XRCC6: variants seen among roughly 807,000 people sequenced by gnomAD.
XRCC6 encodes DNA repair protein Ku70.
In XRCC6, 5 loss-of-function variants were observed where a neutral mutation model predicts 65.7. The observed-to-expected ratio is 0.08, with a 90% CI of 0.04 to 0.16. XRCC6 has a LOEUF of 0.16. Ranked by LOEUF, XRCC6 falls within the 10% of genes least tolerant of loss-of-function variation. XRCC6 has a pLI of 1.00. For missense variants in XRCC6, 447 were observed against 738.1 expected, an observed-to-expected ratio of 0.61 and a Z score of 4.57; for synonymous variants, 270 against 270.6, an observed-to-expected ratio of 1.00 and a Z score of 0.02.
At chr22:41,637,048 A>G (rs1293007094) in intron 5 of XRCC6, among the ~76,000 whole-genome samples, 1 of 151,726 alleles carries the variant, frequency 6.6e-6, no homozygotes, top group African/African-American at 2.4e-5. Flanking sequence ...TTAGCTGTCT[A>G]AAGGACTCTG....
Position 41,653,510 on chromosome 22 carries a change from T to C in XRCC6, c.1130-19T>C. 1.3e-6 allele frequency: 2 copies of C among 1,558,800 alleles called. No homozygotes were observed. Among genetic ancestry groups the C allele is most frequent in the Non-Finnish European group, 1.7e-6 (2 of 1,145,124 alleles). On this transcript the variant is annotated intron_variant, in intron 8 of 12. Coordinates refer to ENST00000360079, the MANE Select transcript of XRCC6 (RefSeq NM_001469.5). Reference sequence around the variant, plus strand: ...GAAACCTTTTTAGGAGGCTAGTCACTGGGCTTTTTGTTTTCTAGGGAGCTC... The same window carrying C: ...GAAACCTTTTTAGGAGGCTAGTCACCGGGCTTTTTGTTTTCTAGGGAGCTC...
intron 6 of XRCC6, among the ~76,000 whole-genome samples, chr22:41,638,718 C>T (rs773490631): frequency 1.5e-5 from 2 of 133,974 alleles, no homozygotes; most frequent in Non-Finnish European, 1.5e-5. Flanking sequence ...TCAGAGGTGG[C>T]AGTGAGCCAA....
At chr22:41,652,495 A>C (rs114955174) in intron 8 of XRCC6, among the ~76,000 whole-genome samples, 1 of 151,688 alleles carries the variant, frequency 6.6e-6, no homozygotes, top group Admixed American at 6.6e-5. Flanking sequence ...CTCTCGAGCA[A>C]CTGGGACTAC....
intron 8 of XRCC6, among the ~76,000 whole-genome samples, chr22:41,651,589 G>A (rs1316627834): frequency 6.7e-6 from 1 of 150,102 alleles, no homozygotes; most frequent in African/African-American, 2.4e-5. Context: ...GTGTAATGGT[G>A]CAATCTCGGC....
chr22:41,634,946 GTAGT>G (rs1215859272), intron 3 of XRCC6, among the ~76,000 whole-genome samples: 1 of 152,142 alleles, frequency 6.6e-6, no homozygotes, highest in African/African-American at 2.4e-5. Flanking sequence ...CTTTAACTGG[GTAGT>G]TAAACAGTTT....
rs149381770 is a variant in XRCC6 at position 41,652,069 on chromosome 22, C to T, written c.1129+1178C>T. On this transcript the variant is annotated intron_variant, in intron 8 of 12. Transcript: ENST00000360079. ...AAAGTGCTGAGATTACAGGCGTGAG[C>T]CACCACGTCCAGCCTGGAATTTAGC... 3.0e-4 allele frequency among the ~76,000 whole-genome samples: 45 copies of T among 152,310 alleles called. No individual in the cohort carries two copies. The East Asian group carries it at 8.5e-3, about 29-fold the overall frequency.
chr22:41,644,218 C>G (rs904201242), intron 6 of XRCC6, among the ~76,000 whole-genome samples: 1 of 151,602 alleles, frequency 6.6e-6, no homozygotes, highest in Admixed American at 6.6e-5. Flanking sequence ...GTTTAATTTT[C>G]AAAAATTTCA....
intron 1 of XRCC6, chr22:41,621,672 C>T (rs1450765024): frequency 1.4e-5 from 4 of 291,626 alleles, no homozygotes; most frequent in Non-Finnish European, 2.0e-5. Context: ...ACGAGGGGGT[C>T]CGTTAGTCAG....
chr22:41,661,322 A>G lies in XRCC6; in HGVS notation c.1523-9A>G. On this transcript the variant is annotated splice_polypyrimidine_tract_variant and intron_variant, in intron 11 of 12. Coordinates refer to ENST00000360079, the MANE Select transcript of XRCC6 (RefSeq NM_001469.5). ...CACCAGGCCACTCTTCTGTGTTTTGATTTTCTAGTGCCCAAGGTTGAAGCA... is the reference window on the plus strand; with the variant it reads ...CACCAGGCCACTCTTCTGTGTTTTGGTTTTCTAGTGCCCAAGGTTGAAGCA... 6.2e-7 allele frequency: 1 copy of G among 1,610,772 alleles called. No individual in the cohort carries two copies. Among genetic ancestry groups the G allele is most frequent in the Non-Finnish European group, 8.5e-7 (1 of 1,179,136 alleles).
At chr22:41,640,025 A>C in intron 6 of XRCC6, among the ~76,000 whole-genome samples, 1 of 151,878 alleles carries the variant, frequency 6.6e-6, no homozygotes, top group Non-Finnish European at 1.5e-5. Context: ...TTCTTCCTAA[A>C]GACCTACAGC....
intron 6 of XRCC6, among the ~76,000 whole-genome samples, chr22:41,640,677 G>A (rs540038629): frequency 6.6e-6 from 1 of 152,298 alleles, no homozygotes; most frequent in Non-Finnish European, 1.5e-5. Context: ...CATTGCCACA[G>A]TTGTAGTTTT....
intron 6 of XRCC6, among the ~76,000 whole-genome samples, chr22:41,644,523 C>T (rs993546624): frequency 1.2e-4 from 18 of 151,992 alleles, no homozygotes; most frequent in South Asian, 4.2e-4. Context: ...CTTGGTCTGT[C>T]GTCCCAGGCT....
At chr22:41,621,867 G>C in intron 1 of XRCC6, 123 bp from the exon 2 acceptor site, 1 of 898,092 alleles carries the variant, frequency 1.1e-6, no homozygotes, top group Non-Finnish European at 1.7e-6. Context: ...CGAGGCAGCA[G>C]GATTTACCGT....
chr22:41,657,816 G>A (rs1157491315), intron 10 of XRCC6, among the ~76,000 whole-genome samples: 1 of 151,992 alleles, frequency 6.6e-6, no homozygotes, highest in Non-Finnish European at 1.5e-5. Context: ...AGGGTGCCCA[G>A]GCTGGTTTGC....
Position 41,637,744 on chromosome 22 carries a change from G to A in XRCC6, c.726G>A (p.Leu242=), listed in dbSNP as rs1487700219. The change falls in exon 6 of 13, where the codon CTG becomes CTA. Residue 242 remains leucine, a synonymous_variant. Transcript: ENST00000360079. ...HFEESSKLED[L]LRKVRAKETR... is the part of the protein sequence containing the mutation. The stretch of plus-strand genomic sequence containing the variant: ...AGGAATCCAGCAAGCTAGAAGACCT[G>A]TTGCGGAAGGTTCGCGCCAAGGAGA... 1 of 1,614,050 alleles carries A rather than the reference G, an allele frequency of 6.2e-7. No homozygotes were observed.
chr22:41,660,030 C>G (rs1036423846), intron 11 of XRCC6, among the ~76,000 whole-genome samples: 5 of 152,202 alleles, frequency 3.3e-5, no homozygotes, highest in Admixed American at 1.3e-4. Context: ...AGATTGGGAG[C>G]CAGTGCTCTT....
intron 6 of XRCC6, among the ~76,000 whole-genome samples, chr22:41,645,244 T>C (rs1054401042): frequency 1.3e-5 from 2 of 150,584 alleles, no homozygotes; most frequent in Admixed American, 6.6e-5. Context: ...GAGGTTGCAG[T>C]GTGGAGATCG....
At chr22:41,636,413 C>T in intron 4 of XRCC6, 103 bp from the exon 5 acceptor site, 2 of 1,515,512 alleles carry the variant, frequency 1.3e-6, no homozygotes, top group Non-Finnish European at 1.8e-6. Context: ...ATGGGTTAAA[C>T]AGCTCTGGGG....
chr22:41,648,693 C>T (rs1267272836), intron 7 of XRCC6, among the ~76,000 whole-genome samples: 1 of 151,952 alleles, frequency 6.6e-6, no homozygotes, highest in East Asian at 1.9e-4. Context: ...AAGTTTAGGG[C>T]CTATAAGGAT....
Sources: gnomAD v4.1 joint callset for allele counts (sites outside exome capture counted in the v4.1 genomes callset) on GRCh38, gnomAD v4.1.1 for gene constraint, MANE v1.5 for transcripts, NCBI Gene and HGNC (gene_info 2026-07-23, HGNC 2026-07-21) for gene names.